Variants in SPOCD1 observed in about 807,000 individuals in gnomAD.
The protein encoded by SPOCD1 is SPOC domain-containing protein 1.
SPOCD1 carries 64 observed loss-of-function variants against 92.2 expected under a neutral mutation model. That is an observed-to-expected ratio of 0.69 (90% CI 0.57 to 0.86). The LOEUF (loss-of-function observed/expected upper bound fraction) is 0.86, where lower values mean the gene tolerates loss of function less well. SPOCD1 is among the 40% of genes least tolerant of loss of function. The probability of loss-of-function intolerance (pLI) is 0.00; values close to 1 mark genes in which losing one functional copy is unlikely to be tolerated. For synonymous variants in SPOCD1, 578 were observed against 619.3 expected (o/e 0.93, Z 0.99); for missense variants, 1,360 against 1,543.1 (o/e 0.88, Z 1.99).
intron 2 of SPOCD1, among the ~76,000 whole-genome samples, chr1:31,803,333 A>T (rs1441561903): frequency 6.6e-6 from 1 of 151,770 alleles, no homozygotes; most frequent in Non-Finnish European, 1.5e-5. Context: ...GATCTTAATT[A>T]AAATTTAAAA....
In SPOCD1 at chr1:31,800,342, G is replaced by T. The variant is rs957136479; in HGVS notation, c.1602+99C>A. ...CTCTGGCTATTCTGAATGACCGCGA[G>T]CAAGTGGCACCCTCTCTCTGAGCCT... On this transcript the variant is annotated intron_variant, in intron 4 of 15. Transcript: ENST00000360482. 32 of 1,438,934 alleles carry T rather than the reference G, an allele frequency of 2.2e-5. No individual in the cohort carries two copies. The East Asian group carries it at 7.5e-4, about 34-fold the overall frequency. 89.1% of individuals were successfully genotyped at this position (1,438,934 alleles called of 1,614,324 possible). A position where few individuals can be genotyped will look rare whatever the true frequency, so the allele number is the denominator to read the frequency against.
chr1:31,797,904 TC>T (rs544728912), intron 9 of SPOCD1, among the ~76,000 whole-genome samples: 3 of 152,216 alleles, frequency 2.0e-5, no homozygotes, highest in Admixed American at 2.0e-4. Context: ...GACTCCGGAC[TC>T]TAGGTCTCAC....
intron 2 of SPOCD1, among the ~76,000 whole-genome samples, chr1:31,813,716 G>A (rs150930145): frequency 2.6e-5 from 4 of 152,278 alleles, no homozygotes; most frequent in African/African-American, 7.2e-5. Flanking sequence ...GGCAAAATTC[G>A]AACCCAGGAC....
intron 10 of SPOCD1, chr1:31,796,338 C>A: frequency 1.7e-6 from 1 of 581,514 alleles, no homozygotes; most frequent in Non-Finnish European, 3.1e-6. Flanking sequence ...TAATACCACT[C>A]ATGTGGGGGC....
Position 31,799,414 on chromosome 1 carries a change from C to T in SPOCD1, c.1855G>A (p.Val619Ile). The T allele has an allele frequency of 1.2e-6, 2 of 1,610,290 alleles. No individual in the cohort carries two copies. Among genetic ancestry groups the T allele is most frequent in the Non-Finnish European group, 1.7e-6 (2 of 1,178,524 alleles). ...RGTVVRSMQEVLWTRLRELPD... is the reference protein window; with the variant it reads ...RGTVVRSMQEILWTRLRELPD... ...GCAAGGCCTCACCGAGTCCATAGTACCTCCTGCATGGAACGGACAACAGTG... is the reference window on the plus strand; with the variant it reads ...GCAAGGCCTCACCGAGTCCATAGTATCTCCTGCATGGAACGGACAACAGTG... The change falls in exon 7 of 16, where the codon GTA (valine) becomes ATA (isoleucine). Residue 619 changes from valine (V) to isoleucine (I), a missense_variant. Transcript: ENST00000360482.
chr1:31,790,832 C>T lies in SPOCD1; in HGVS notation c.3422G>A (p.Arg1141Lys), dbSNP rs199579160. 3.1e-4 allele frequency: 478 copies of T among 1,537,336 alleles called. No individual in the cohort carries two copies. Among genetic ancestry groups the T allele is most frequent in the Admixed American group, 4.7e-4 (23 of 49,000 alleles). Residue 1141 changes from arginine (R) to lysine (K), a missense_variant, in exon 16 of 16, where the codon AGG becomes AAG. Physicochemically the swap from Arg to Lys is conservative, Grantham distance 26 (BLOSUM62 2). Around this residue, in one of 3 missense-constraint regions of SPOCD1, gnomAD observed 614 missense variants for 757.8 expected, o/e 0.81. Coordinates refer to ENST00000360482, the MANE Select transcript of SPOCD1 (RefSeq NM_144569.7). ...HGFGRGQHFHRDSCPHQALLR... is the reference protein window; with the variant it reads ...HGFGRGQHFHKDSCPHQALLR... ...CAGGGCTTGGTGGGGACAGGAGTCC[C>T]TGTGGAAGTGCTGGCCACGGCCAAA...
chr1:31,808,437 T>C (rs1648982707), intron 2 of SPOCD1, among the ~76,000 whole-genome samples: 2 of 150,844 alleles, frequency 1.3e-5, no homozygotes, highest in South Asian at 4.1e-4. Flanking sequence ...TGTGATTAAA[T>C]GCACTGTGCA....
At chr1:31,799,346 G>A in intron 7 of SPOCD1, 55 bp downstream of exon 7, 1 of 1,483,724 alleles carries the variant, frequency 6.7e-7, no homozygotes, top group Non-Finnish European at 9.3e-7. Context: ...CCCGGAGGCG[G>A]GGGCATGTGA....
chr1:31,814,185 G>C lies in SPOCD1; in HGVS notation c.1149C>G (p.Pro383=). ...RGRLEQGLAA[P]ADTCASSREP... is the part of the protein sequence containing the mutation. Reference sequence around the variant, plus strand: ...CCCGGGAGCTGGCACAGGTGTCAGCGGGGGCAGCGAGTCCTTGCTCCAGCC... The same window carrying C: ...CCCGGGAGCTGGCACAGGTGTCAGCCGGGGCAGCGAGTCCTTGCTCCAGCC... Residue 383 remains proline, a synonymous_variant, in exon 2 of 16, where the codon CCC becomes CCG. Coordinates refer to ENST00000360482, the MANE Select transcript of SPOCD1 (RefSeq NM_144569.7). The surrounding 1 kb of genome is among the most constrained non-coding windows in gnomAD (Gnocchi z 4.2). 6.4e-7 allele frequency: 1 copy of C among 1,571,470 alleles called. No individual in the cohort carries two copies. Among genetic ancestry groups the C allele is most frequent in the Non-Finnish European group, 8.6e-7 (1 of 1,156,700 alleles).
Position 31,815,112 on chromosome 1 carries a change from A to G in SPOCD1, c.222T>C (p.Gly74=). The change falls in exon 2 of 16, where the codon GGT becomes GGC. Residue 74 remains glycine, a synonymous_variant. Coordinates refer to ENST00000360482, the MANE Select transcript of SPOCD1 (RefSeq NM_144569.7). The stretch of plus-strand genomic sequence containing the variant: ...AGACCCCTGGCCGGACCTCAGCAGC[A>G]CCTGCAGCCCGGGAGCTGCCACCTC... ...ALRGGSSRAA[G]AAEVRPGVLE... 1 of 1,611,072 alleles carries G rather than the reference A, an allele frequency of 6.2e-7. No homozygotes were observed. Among genetic ancestry groups the G allele is most frequent in the Non-Finnish European group, 8.5e-7 (1 of 1,177,998 alleles).
chr1:31,792,130 C>G, intron 15 of SPOCD1, 85 bp downstream of exon 15: 1 of 1,457,058 alleles, frequency 6.9e-7, no homozygotes, highest in Non-Finnish European at 9.3e-7. Context: ...ATGTGCCTGC[C>G]TCTACTGGGT....
chr1:31,801,889 C>T (rs1002464179), intron 2 of SPOCD1, among the ~76,000 whole-genome samples, 184 bp from the exon 3 acceptor site: 3 of 152,162 alleles, frequency 2.0e-5, no homozygotes, highest in African/African-American at 4.8e-5. Context: ...TCCATCAGGC[C>T]AGGTGCAGTG....
chr1:31,801,234 G>A (rs1236196345), intron 3 of SPOCD1, among the ~76,000 whole-genome samples: 11 of 152,214 alleles, frequency 7.2e-5, no homozygotes, highest in Non-Finnish European at 1.3e-4. Flanking sequence ...TGCTATGGCT[G>A]CCAGGAAGCT....
At chr1:31,810,639 C>T (rs752554644) in intron 2 of SPOCD1, among the ~76,000 whole-genome samples, 3 of 152,176 alleles carry the variant, frequency 2.0e-5, no homozygotes, top group East Asian at 1.9e-4. Flanking sequence ...TGAGCCACCA[C>T]GCCTGGCCGA....
rs1648426015 is a variant in SPOCD1, at chr1:31,800,920, C to T, written c.1426-303G>A. Among the ~76,000 whole-genome samples the T allele has an allele frequency of 2.0e-5, 3 of 152,222 alleles. No individual in the cohort carries two copies. In the South Asian group the frequency reaches 6.2e-4, roughly 31 times the overall value. The stretch of plus-strand genomic sequence containing the variant: ...CCAGTCACATTCATAGTTAACTGAA[C>T]TCTGTGCCAGGACCCTCTCACTCTT... On this transcript the variant is annotated intron_variant, in intron 3 of 15. Coordinates refer to ENST00000360482, the MANE Select transcript of SPOCD1 (RefSeq NM_144569.7).
Position 31,814,153 on chromosome 1 carries a change from A to G in SPOCD1, c.1181T>C (p.Leu394Ser). The G allele has an allele frequency of 6.3e-7, 1 of 1,585,540 alleles. No individual in the cohort carries two copies. The highest frequency in any genetic ancestry group is 8.6e-7 in the Non-Finnish European group (1 of 1,161,730). ...ATCCAGGGAGGAGCTGAGGCCGCCC[A>G]AGGGCTCCCGGGAGCTGGCACAGGT... Reference protein sequence around the residue: ...ADTCASSREPLGGLSSSLDTE... With the variant: ...ADTCASSREPSGGLSSSLDTE... Residue 394 changes from leucine (L) to serine (S), a missense_variant, in exon 2 of 16, where the codon TTG becomes TCG. Leu to Ser is a moderately radical substitution (Grantham distance 145, BLOSUM62 -2). Around this residue, in one of 3 missense-constraint regions of SPOCD1, gnomAD observed 606 missense variants for 601.5 expected, o/e 1.01. Coordinates refer to ENST00000360482, the MANE Select transcript of SPOCD1 (RefSeq NM_144569.7). The surrounding 1 kb of genome is among the most constrained non-coding windows in gnomAD (Gnocchi z 4.2).
At chr1:31,796,378 G>A (rs1351461783) in intron 10 of SPOCD1, 2 of 718,690 alleles carry the variant, frequency 2.8e-6, no homozygotes, top group South Asian at 3.4e-5. Flanking sequence ...GAGGAGGACC[G>A]ACAGTGACAA....
At chr1:31,795,577 CCATT>C (rs1379256081) in intron 10 of SPOCD1, 1 of 151,916 alleles carries the variant, frequency 6.6e-6, no homozygotes, top group Non-Finnish European at 1.5e-5. Context: ...TCCTACATTG[CCATT>C]CAGTTTGTTC....
chr1:31,795,644 T>TAGAGGTG (rs1181343148), intron 10 of SPOCD1: 1 of 152,198 alleles, frequency 6.6e-6, no homozygotes, highest in Non-Finnish European at 1.5e-5. Flanking sequence ...TTAGGGATCC[T>TAGAGGTG]CTTGGCACAG....
Sources: allele counts gnomAD v4.1 joint callset (sites outside exome capture counted in the v4.1 genomes callset), GRCh38; gene constraint gnomAD v4.1.1; regional missense constraint gnomAD v4.1.1; non-coding constraint Gnocchi (gnomAD v3.1); transcripts MANE v1.5; gene names NCBI Gene and HGNC (gene_info 2026-07-23, HGNC 2026-07-21).